Variants in NUP43 observed in about 807,000 individuals in gnomAD.
NUP43 encodes nucleoporin 43.
Under a neutral mutation model 47.3 loss-of-function variants are expected in NUP43, and 32 were observed. That is an observed-to-expected ratio of 0.68 (90% CI 0.51 to 0.91). The LOEUF is 0.91. Ranked by LOEUF, NUP43 falls within the 40% of genes least tolerant of loss-of-function variation. The pLI, the probability that NUP43 is intolerant of heterozygous loss-of-function variation, is 0.00. For missense variants in NUP43, 444 were observed against 453.9 expected (o/e 0.98, Z 0.20); for synonymous variants, 147 against 158.4 (o/e 0.93, Z 0.54).
chr6:149,732,136 C>T (rs569583779), intron 6 of NUP43, among the ~76,000 whole-genome samples: 2 of 145,660 alleles, frequency 1.4e-5, no homozygotes, highest in African/African-American at 2.6e-5. Context: ...GAGCCGAGCT[C>T]GCACCACTGC....
Position 149,727,138 on chromosome 6 carries a change from G to A in NUP43, c.974C>T (p.Ser325Phe). The change falls in exon 8 of 8, where the codon TCT (serine) becomes TTT (phenylalanine). Residue 325 changes from serine (S) to phenylalanine (F), a missense_variant. Ser to Phe is a radical substitution (Grantham distance 155, BLOSUM62 -2). Transcript: ENST00000340413. ...SISNQANVHQ[S>F]VISSWLSTDP... ...AGTGCTGAGCCAGGAGCTAATGACA[G>A]ACTGGTGAACATTAGCTTGGTTACT... is the stretch of plus-strand genomic sequence containing the variant. 6.2e-7 allele frequency: 1 copy of A among 1,614,122 alleles called. No homozygotes were observed. The highest frequency in any genetic ancestry group is 8.5e-7 in the Non-Finnish European group (1 of 1,180,012).
chr6:149,739,422 G>C (rs527423733), intron 4 of NUP43, among the ~76,000 whole-genome samples: 16 of 151,810 alleles, frequency 1.1e-4, no homozygotes, highest in Non-Finnish European at 2.4e-4. Flanking sequence ...TAGTACCTGG[G>C]ATTACAGGTA....
upstream of NUP43, among the ~76,000 whole-genome samples, chr6:149,747,026 A>T (rs868701293): frequency 2.0e-5 from 3 of 152,322 alleles, no homozygotes; most frequent in Non-Finnish European, 4.4e-5. Context: ...GAATTCTGAA[A>T]GACTCCAGTT....
At chr6:149,742,295 C>T in intron 4 of NUP43, 95 bp downstream of exon 4, 2 of 1,156,588 alleles carry the variant, frequency 1.7e-6, no homozygotes, top group African/African-American at 1.5e-5. Context: ...CAAAGTGCTG[C>T]AATTGCCGGG....
intron 4 of NUP43, among the ~76,000 whole-genome samples, chr6:149,741,376 A>G (rs943628594): frequency 8.6e-5 from 13 of 151,866 alleles, no homozygotes; most frequent in Non-Finnish European, 1.6e-4. Context: ...GTTTTGCAAT[A>G]TTGGTCAGGC....
chr6:149,740,756 T>C (rs1731035511), intron 4 of NUP43, among the ~76,000 whole-genome samples: 1 of 152,214 alleles, frequency 6.6e-6, no homozygotes, highest in Non-Finnish European at 1.5e-5. Context: ...GGCTGAAGCA[T>C]AGTTCAGAAC....
chr6:149,733,888 G>A (rs985200477), intron 6 of NUP43, among the ~76,000 whole-genome samples: 1 of 151,650 alleles, frequency 6.6e-6, no homozygotes, highest in African/African-American at 2.4e-5. Context: ...GCAATGGTGC[G>A]ATCTTGGCTC....
intron 3 of NUP43, 111 bp downstream of exon 3, chr6:149,743,527 G>A (rs1338554828): frequency 1.6e-6 from 1 of 618,820 alleles, no homozygotes; most frequent in Admixed American, 3.0e-5. Context: ...CTCAGAAGGT[G>A]GAGGCTGCGG....
At chr6:149,732,984 T>C in intron 6 of NUP43, among the ~76,000 whole-genome samples, 1 of 152,102 alleles carries the variant, frequency 6.6e-6, no homozygotes, top group East Asian at 1.9e-4. Flanking sequence ...ACTCCTGGCG[T>C]CAAGCAATCC....
Position 149,746,476 on chromosome 6 carries a change from T to C in NUP43, c.20A>G (p.Lys7Arg). MEEIYA[K>R]FVSQKISKTR... ...TTTGCTGATTTTCTGGGACACAAAC[T>C]TCGCATAAATTTCCTCCATGCCGAA... Residue 7 changes from lysine to arginine, a missense_variant, in exon 1 of 8, where the codon AAG becomes AGG. Lys to Arg is a conservative substitution (Grantham distance 26). Coordinates refer to ENST00000340413, the MANE Select transcript of NUP43 (RefSeq NM_198887.3). The C allele has an allele frequency of 6.2e-7, 1 of 1,614,180 alleles. No individual in the cohort carries two copies. The highest frequency in any genetic ancestry group is 8.5e-7 in the Non-Finnish European group (1 of 1,180,048).
intron 7 of NUP43, chr6:149,727,759 C>G: frequency 1.0e-6 from 1 of 983,800 alleles, no homozygotes; most frequent in Non-Finnish European, 1.2e-6. Flanking sequence ...CAGATTAGAA[C>G]ACTACTAGAT....
chr6:149,741,173 A>G (rs1361443147), intron 4 of NUP43, among the ~76,000 whole-genome samples: 2 of 151,856 alleles, frequency 1.3e-5, no homozygotes, highest in South Asian at 2.1e-4. Context: ...ATGTGTACAT[A>G]TATTTTATAT....
chr6:149,746,031 TCTCCAATAGAC>T lies in NUP43; in HGVS notation c.141_151del (p.Trp47Ter), dbSNP rs1414439820. 2.5e-6 allele frequency: 4 copies of T among 1,613,940 alleles called. No homozygotes were observed. Among genetic ancestry groups the T allele is most frequent in the Non-Finnish European group, 2.5e-6 (3 of 1,179,942 alleles). On this transcript the variant is annotated stop_gained and frameshift_variant, in exon 2 of 8. Transcript: ENST00000340413. LOFTEE classifies it high-confidence loss of function. ...TCCATCAGAGTCCAAGTTTCCAAAA[TCTCCAATAGAC>T]CACAGTGAAATATAATTTTCCTGTA...
intron 7 of NUP43, among the ~76,000 whole-genome samples, chr6:149,730,687 T>C (rs1196628936): frequency 6.6e-6 from 1 of 152,094 alleles, no homozygotes; most frequent in Non-Finnish European, 1.5e-5. Context: ...TTGCAATACC[T>C]CGGGAGGCCC....
intron 2 of NUP43, among the ~76,000 whole-genome samples, chr6:149,743,982 T>C (rs1337832334): frequency 3.3e-5 from 5 of 151,978 alleles, no homozygotes; most frequent in African/African-American, 4.8e-5. Context: ...CTTAGGAAAA[T>C]ATTATTCCTG....
intron 3 of NUP43, 97 bp from the exon 4 acceptor site, chr6:149,742,667 C>G: frequency 1.2e-6 from 1 of 843,060 alleles, no homozygotes; most frequent in Non-Finnish European, 1.8e-6. Context: ...TCACACCCTT[C>G]TACAAGAATA....
upstream of NUP43, chr6:149,746,652 A>G (rs752093813): frequency 1.1e-5 from 18 of 1,571,296 alleles, no homozygotes; most frequent in Non-Finnish European, 1.6e-5. Context: ...GGGCACAGTC[A>G]GTACCTAGAC....
intron 2 of NUP43, among the ~76,000 whole-genome samples, chr6:149,744,907 T>G (rs1373824836): frequency 2.7e-5 from 4 of 150,536 alleles, no homozygotes; most frequent in Admixed American, 6.6e-5. Flanking sequence ...ATTTATTTAT[T>G]TATTTATTAT....
chr6:149,735,678 A>T (rs1369508112), intron 6 of NUP43, among the ~76,000 whole-genome samples: 1 of 151,092 alleles, frequency 6.6e-6, no homozygotes, highest in Non-Finnish European at 1.5e-5. Flanking sequence ...TAAGAATTAA[A>T]CCTGTGGTTG....
Sources: allele counts gnomAD v4.1 joint callset (sites outside exome capture counted in the v4.1 genomes callset), GRCh38; gene constraint gnomAD v4.1.1; transcripts MANE v1.5; gene names NCBI Gene and HGNC (gene_info 2026-07-23, HGNC 2026-07-21).